The following LSAMP variants were observed in gnomAD, a reference collection of about 807,000 sequenced individuals.
LSAMP encodes limbic system associated membrane protein.
A neutral mutation model predicts 38.6 loss-of-function variants in LSAMP; 7 were observed. That is an observed-to-expected ratio of 0.18 (90% CI 0.10 to 0.34). LSAMP has a LOEUF of 0.34. LSAMP is among the 10% of genes least tolerant of loss of function. LSAMP has a pLI of 1.00. For missense variants in LSAMP, 313 were observed against 420.0 expected, an observed-to-expected ratio of 0.75 and a Z score of 2.23; for synonymous variants, 154 against 166.8, an observed-to-expected ratio of 0.92 and a Z score of 0.59.
intron 2 of LSAMP, among the ~76,000 whole-genome samples, chr3:116,060,139 C>T (rs1941566908): frequency 6.6e-6 from 1 of 151,858 alleles, no homozygotes; most frequent in South Asian, 2.1e-4. Context: ...CTTTCCTAAC[C>T]TCCCCTTCCT....
rs193087832 is a variant in LSAMP at position 115,945,124 on chromosome 3, G to T, written c.514+74391C>A. ...ATAGGGTTCTTATCTTATTTGCTTA[G>T]TTTTCTTGGCTATTCAACATAAACT... On this transcript the variant is annotated intron_variant, in intron 3 of 6. Transcript: ENST00000490035. Among the ~76,000 whole-genome samples the T allele has an allele frequency of 1.1e-4, 16 of 151,930 alleles. 1 individual carries two copies. The East Asian group carries it at 2.9e-3, about 28-fold the overall frequency.
intron 3 of LSAMP, among the ~76,000 whole-genome samples, chr3:115,855,850 C>T (rs761947184): frequency 4.6e-5 from 7 of 152,110 alleles, no homozygotes; most frequent in Non-Finnish European, 1.0e-4. Context: ...TCAGAGACAC[C>T]CCTGGGCCCT....
At chr3:115,926,897 T>C (rs1937509309) in intron 3 of LSAMP, among the ~76,000 whole-genome samples, 1 of 152,190 alleles carries the variant, frequency 6.6e-6, no homozygotes. Flanking sequence ...ATTCTATTCA[T>C]CTATCTGATA....
chr3:115,991,173 C>G lies in LSAMP; in HGVS notation c.514+28342G>C, dbSNP rs969096802. On this transcript the variant is annotated intron_variant, in intron 3 of 6. Coordinates refer to ENST00000490035, the MANE Select transcript of LSAMP (RefSeq NM_002338.5). ...AAAAAAGAAGATAAAAAATACAGAG[C>G]TTTTTCATCTGCATAGCATGATTTT... is the stretch of plus-strand genomic sequence containing the variant. 6.6e-5 allele frequency among the ~76,000 whole-genome samples: 10 copies of G among 152,118 alleles called. No homozygotes were observed. In the East Asian group the frequency reaches 1.9e-3, roughly 29 times the overall value.
intron 1 of LSAMP, among the ~76,000 whole-genome samples, chr3:116,432,090 TA>T (rs2049288661): frequency 6.6e-6 from 1 of 151,898 alleles, no homozygotes; most frequent in Non-Finnish European, 1.5e-5. Flanking sequence ...TAAAACATAC[TA>T]ATCAAAAAAA....
intron 3 of LSAMP, among the ~76,000 whole-genome samples, chr3:115,958,044 T>C (rs1938506707): frequency 6.6e-6 from 1 of 152,178 alleles, no homozygotes; most frequent in South Asian, 2.1e-4. Flanking sequence ...TGTGAGCCTG[T>C]TTTATTTTTT....
chr3:116,332,006 T>C (rs886898603), intron 1 of LSAMP, among the ~76,000 whole-genome samples: 1 of 151,932 alleles, frequency 6.6e-6, no homozygotes, highest in Admixed American at 6.6e-5. Flanking sequence ...ATGAGCTATT[T>C]TTTGCTTATT....
chr3:116,392,026 C>A lies in LSAMP; in HGVS notation c.155+52851G>T, dbSNP rs140794849. ...GGGCCATGAGCCTGGTGATGGGGAGCCTTGGGCCACAGCATCCAGACCATG... is the reference window on the plus strand; with the variant it reads ...GGGCCATGAGCCTGGTGATGGGGAGACTTGGGCCACAGCATCCAGACCATG... On this transcript the variant is annotated intron_variant, in intron 1 of 6. Transcript: ENST00000490035. Among the ~76,000 whole-genome samples the A allele has an allele frequency of 3.3e-5, 5 of 152,292 alleles. No individual in the cohort carries two copies. The East Asian group carries it at 7.7e-4, about 24-fold the overall frequency.
chr3:116,302,588 T>C (rs1465270462), intron 1 of LSAMP, among the ~76,000 whole-genome samples: 1 of 152,232 alleles, frequency 6.6e-6, no homozygotes. Flanking sequence ...ATAAATACCT[T>C]TCACTAGAAA....
chr3:116,088,322 G>A (rs1708040388), intron 1 of LSAMP, among the ~76,000 whole-genome samples: 1 of 152,124 alleles, frequency 6.6e-6, no homozygotes, highest in African/African-American at 2.4e-5. Context: ...TCTCTGCCAT[G>A]CATATATTAT....
At chr3:116,106,315 G>C (rs1274335927) in intron 1 of LSAMP, among the ~76,000 whole-genome samples, 1 of 152,172 alleles carries the variant, frequency 6.6e-6, no homozygotes, top group Admixed American at 6.5e-5. Flanking sequence ...GTGAGTAGTT[G>C]AGAATGGTGA....
At chr3:115,898,598 CATATATATATATAT>C (rs10527269) in intron 3 of LSAMP, among the ~76,000 whole-genome samples, 1 of 142,004 alleles carries the variant, frequency 7.0e-6, no homozygotes, top group Admixed American at 7.1e-5. Context: ...CATGAAGATG[CATATATATATATAT>C]ATATATATAT....
intron 3 of LSAMP, among the ~76,000 whole-genome samples, chr3:115,863,901 T>A (rs1935784029): frequency 1.3e-5 from 2 of 152,150 alleles, no homozygotes; most frequent in Admixed American, 1.3e-4. Flanking sequence ...AAAAGAATGA[T>A]TAGGAAAATT....
intron 3 of LSAMP, among the ~76,000 whole-genome samples, chr3:115,900,527 A>G (rs1316782650): frequency 6.6e-6 from 1 of 151,902 alleles, no homozygotes; most frequent in Non-Finnish European, 1.5e-5. Flanking sequence ...AAAAAAAAAA[A>G]AAAAAAATGC....
chr3:115,809,183 C>T lies in LSAMP; in HGVS notation c.*1134G>A, dbSNP rs1413461411. ...GAGAGTAAAATCTGAAATTTTCTCT[C>T]CTAGGTCACCTCGTCCACGTCATAA... On this transcript the variant is annotated 3_prime_UTR_variant, in exon 7 of 7. Transcript: ENST00000490035. 1 of 152,148 alleles carries T rather than the reference C, an allele frequency of 6.6e-6. No homozygotes were observed. Among genetic ancestry groups the T allele is most frequent in the Non-Finnish European group, 1.5e-5 (1 of 68,044 alleles). 9.4% of individuals were successfully genotyped at this position (152,148 alleles called of 1,614,324 possible).
At chr3:116,164,256 A>G (rs1709976158) in intron 1 of LSAMP, among the ~76,000 whole-genome samples, 1 of 152,004 alleles carries the variant, frequency 6.6e-6, no homozygotes, top group Non-Finnish European at 1.5e-5. Context: ...ACACTCACCA[A>G]CATACTATTA....
intron 3 of LSAMP, among the ~76,000 whole-genome samples, chr3:115,864,689 G>A (rs138638359): frequency 3.6e-4 from 55 of 152,244 alleles, no homozygotes; most frequent in African/African-American, 1.3e-3. Context: ...AAGTTCCCTA[G>A]TGTCCTCGCA....
At chr3:116,294,254 G>C (rs760444051) in intron 1 of LSAMP, among the ~76,000 whole-genome samples, 2 of 152,002 alleles carry the variant, frequency 1.3e-5, no homozygotes, top group Non-Finnish European at 2.9e-5. Context: ...AACTATTAAT[G>C]GTTGAATTTC....
intron 1 of LSAMP, among the ~76,000 whole-genome samples, chr3:116,224,418 G>C (rs1315803063): frequency 2.0e-5 from 3 of 152,172 alleles, no homozygotes; most frequent in African/African-American, 4.8e-5. Context: ...CTTGGTTGCT[G>C]CCTTTCCTTT....
Sources: allele counts gnomAD v4.1 joint callset (sites outside exome capture counted in the v4.1 genomes callset), GRCh38; gene constraint gnomAD v4.1.1; transcripts MANE v1.5; gene names NCBI Gene and HGNC (gene_info 2026-07-23, HGNC 2026-07-21).